Variants in COMMD1 observed in about 807,000 individuals in gnomAD.
COMMD1 encodes the protein COMM domain-containing protein 1.
A neutral mutation model predicts 17.2 loss-of-function variants in COMMD1; 10 were observed. The ratio of observed to expected loss-of-function variants is 0.58; its 90% CI spans 0.36 to 0.99. The LOEUF is 0.99. Ranked by LOEUF, COMMD1 falls within the 50% of genes least tolerant of loss-of-function variation. COMMD1 has a pLI of 0.01. For synonymous variants in COMMD1, 97 were observed against 91.6 expected (o/e 1.06, Z -0.34); for missense variants, 270 against 231.8 (o/e 1.17, Z -1.07).
At chr2:61,924,207 C>G (rs1670264501) in intron 1 of COMMD1, among the ~76,000 whole-genome samples, 1 of 152,148 alleles carries the variant, frequency 6.6e-6, no homozygotes, top group African/African-American at 2.4e-5. Context: ...CCCACTCTTA[C>G]CTCTGGTAAG....
chr2:62,133,408 G>T (rs906801616), intron 2 of COMMD1, among the ~76,000 whole-genome samples: 4 of 152,092 alleles, frequency 2.6e-5, no homozygotes, highest in Non-Finnish European at 5.9e-5. Flanking sequence ...TATCGTAGGG[G>T]ACGAAAAAGT....
chr2:62,014,607 G>A (rs1669382711), intron 2 of COMMD1, among the ~76,000 whole-genome samples: 1 of 114,354 alleles, frequency 8.7e-6, no homozygotes, highest in Admixed American at 1.3e-4. Flanking sequence ...TGTCACCCAG[G>A]CTGGAATGCA....
chr2:62,017,958 C>T (rs1358501856), intron 2 of COMMD1, among the ~76,000 whole-genome samples: 3 of 150,080 alleles, frequency 2.0e-5, no homozygotes, highest in Admixed American at 1.3e-4. Context: ...ATAGGAGGAT[C>T]ACTGGAGCCT....
chr2:61,943,944 C>T (rs999687569), intron 1 of COMMD1, among the ~76,000 whole-genome samples: 3 of 152,176 alleles, frequency 2.0e-5, no homozygotes, highest in Non-Finnish European at 2.9e-5. Context: ...GGCTGCTACA[C>T]GTTGTAGGGG....
chr2:61,976,228 G>T lies in COMMD1; in HGVS notation c.181-24473G>T, dbSNP rs528938920. Among the ~76,000 whole-genome samples the T allele has an allele frequency of 2.0e-5, 3 of 149,298 alleles. No homozygotes were observed. The South Asian group carries it at 6.4e-4, about 32-fold the overall frequency. On this transcript the variant is annotated intron_variant, in intron 1 of 2. Coordinates refer to ENST00000311832, the MANE Select transcript of COMMD1 (RefSeq NM_152516.4). ...AAAAAAAAAGAAAAAAATACATACTGTCAGAGTGAATCAAAAGACAAATAC... is the reference window on the plus strand; with the variant it reads ...AAAAAAAAAGAAAAAAATACATACTTTCAGAGTGAATCAAAAGACAAATAC...
chr2:62,001,045 C>G (rs55785307), intron 2 of COMMD1, 63 bp downstream of exon 2: 364,934 of 1,464,560 alleles, frequency 0.25, 47,840 homozygotes, highest in South Asian at 0.31. Context: ...GTTAGCTTGT[C>G]TATTCAGCTT....
chr2:61,985,041 C>CTT (rs61613631), intron 1 of COMMD1, among the ~76,000 whole-genome samples: 1 of 134,190 alleles, frequency 7.5e-6, no homozygotes. Flanking sequence ...CTATGTGTGT[C>CTT]TTTTTTTTTT....
intron 2 of COMMD1, among the ~76,000 whole-genome samples, chr2:62,088,152 C>T (rs1175904885): frequency 6.6e-6 from 1 of 151,968 alleles, no homozygotes; most frequent in African/African-American, 2.4e-5. Flanking sequence ...TTTCTGTCTC[C>T]TTCATTGATG....
chr2:62,112,640 C>T (rs952555303), intron 2 of COMMD1, among the ~76,000 whole-genome samples: 1 of 152,314 alleles, frequency 6.6e-6, no homozygotes, highest in East Asian at 1.9e-4. Flanking sequence ...CATATGCCAT[C>T]TTATTTAGTC....
At chr2:62,043,822 G>A (rs1670302266) in intron 2 of COMMD1, among the ~76,000 whole-genome samples, 1 of 152,112 alleles carries the variant, frequency 6.6e-6, no homozygotes, top group Admixed American at 6.5e-5. Flanking sequence ...ATTTGTTTCT[G>A]AATTTATCGT....
chr2:62,030,240 G>GT (rs763201485), intron 2 of COMMD1, among the ~76,000 whole-genome samples: 3 of 152,138 alleles, frequency 2.0e-5, no homozygotes, highest in Non-Finnish European at 4.4e-5. Flanking sequence ...TTTACACAGG[G>GT]TATTGTTAGG....
At chr2:62,093,632 C>T (rs1671907543) in intron 2 of COMMD1, among the ~76,000 whole-genome samples, 1 of 152,182 alleles carries the variant, frequency 6.6e-6, no homozygotes, top group East Asian at 1.9e-4. Flanking sequence ...GCCATCTTTC[C>T]TAGGGCAGCA....
chr2:62,067,354 A>G (rs1460452383), intron 2 of COMMD1, among the ~76,000 whole-genome samples: 2 of 152,140 alleles, frequency 1.3e-5, no homozygotes, highest in African/African-American at 4.8e-5. Flanking sequence ...CAAATCTTCT[A>G]TTTGTATAGT....
intron 1 of COMMD1, among the ~76,000 whole-genome samples, chr2:61,892,551 C>A (rs941978358): frequency 1.3e-5 from 2 of 151,786 alleles, no homozygotes; most frequent in Non-Finnish European, 2.9e-5. Flanking sequence ...AAAATTAGCC[C>A]GGTGTTGTGG....
intron 1 of COMMD1, among the ~76,000 whole-genome samples, chr2:61,936,346 C>T (rs1670607725): frequency 6.6e-6 from 1 of 152,092 alleles, no homozygotes; most frequent in Non-Finnish European, 1.5e-5. Flanking sequence ...AGCATTCCAG[C>T]TTGTAGCTGA....
intron 2 of COMMD1, among the ~76,000 whole-genome samples, chr2:62,045,416 C>T (rs934921980): frequency 6.6e-5 from 10 of 152,094 alleles, no homozygotes; most frequent in Non-Finnish European, 1.0e-4. Flanking sequence ...AGAAACTATA[C>T]CTATATCTTA....
intron 1 of COMMD1, among the ~76,000 whole-genome samples, chr2:61,941,152 C>A (rs1271960688): frequency 6.6e-6 from 1 of 152,070 alleles, no homozygotes; most frequent in Non-Finnish European, 1.5e-5. Context: ...CTCAGCCTCT[C>A]AAGTAGCTGG....
intron 1 of COMMD1, among the ~76,000 whole-genome samples, chr2:61,893,240 A>G (rs1669477070): frequency 1.3e-5 from 2 of 151,568 alleles, no homozygotes; most frequent in African/African-American, 4.9e-5. Context: ...GTATATTTTG[A>G]TTTTCCTAAT....
chr2:62,126,618 T>C (rs1221415450), intron 2 of COMMD1, among the ~76,000 whole-genome samples: 1 of 152,248 alleles, frequency 6.6e-6, no homozygotes, highest in Admixed American at 6.5e-5. Flanking sequence ...ATGGGTTTTT[T>C]ATTGTAAATT....
Sources: allele counts gnomAD v4.1 joint callset (sites outside exome capture counted in the v4.1 genomes callset), GRCh38; gene constraint gnomAD v4.1.1; transcripts MANE v1.5; gene names NCBI Gene and HGNC (gene_info 2026-07-23, HGNC 2026-07-21).